KCNN1: variants seen among roughly 807,000 people sequenced by gnomAD.
The protein encoded by KCNN1 is potassium calcium-activated channel subfamily N member 1, also known as small conductance calcium-activated potassium channel protein 1.
A neutral mutation model predicts 44.7 loss-of-function variants in KCNN1; 20 were observed. The observed-to-expected ratio is 0.45, with a 90% CI of 0.32 to 0.65. The LOEUF (loss-of-function observed/expected upper bound fraction) is 0.65. Among genes scored for constraint, KCNN1 ranks in the 30% least tolerant of loss-of-function variants. The pLI is 0.05. For missense variants in KCNN1, 632 were observed against 785.3 expected, an observed-to-expected ratio of 0.80 and a Z score of 2.33; for synonymous variants, 324 against 341.7, an observed-to-expected ratio of 0.95 and a Z score of 0.57.
chr19:17,999,749 G>A lies in KCNN1; in HGVS notation c.*1343G>A, dbSNP rs770036474. ...GAGGAGGCCTGGCTCCTGGGGAGAC[G>A]ACGCTGTGCATAGCCGAGGAGCCCC... On this transcript the variant is annotated 3_prime_UTR_variant, in exon 10 of 10. Coordinates refer to ENST00000684775, the MANE Select transcript of KCNN1 (RefSeq NM_001386974.1). 8.2e-5 allele frequency: 26 copies of A among 317,552 alleles called. No individual in the cohort carries two copies. Among genetic ancestry groups the A allele is most frequent in the Non-Finnish European group, 1.3e-4 (20 of 156,246 alleles). 19.7% of individuals were successfully genotyped at this position (317,552 alleles called of 1,614,324 possible). A position where few individuals can be genotyped will look rare whatever the true frequency, so the allele number is the denominator to read the frequency against.
chr19:17,961,586 C>CTTTTTTTT (rs60134891), intron 2 of KCNN1, among the ~76,000 whole-genome samples: 2 of 130,050 alleles, frequency 1.5e-5, no homozygotes, highest in Non-Finnish European at 3.1e-5. Context: ...TTCTTTCTTT[C>CTTTTTTTT]TTTTTTTTTT....
chr19:17,954,851 G>A (rs896178545), intron 2 of KCNN1, among the ~76,000 whole-genome samples: 32 of 151,400 alleles, frequency 2.1e-4, no homozygotes, highest in African/African-American at 7.3e-4. Context: ...CAGTTTGGCC[G>A]ACATGGCGAA....
Position 17,983,092 on chromosome 19 carries a change from G to T in KCNN1, c.917+965G>T, listed in dbSNP as rs2032476718. On this transcript the variant is annotated intron_variant, in intron 4 of 9. Transcript: ENST00000684775. This position sits in a 1 kb window ranked among gnomAD's most constrained non-coding sequence, Gnocchi z 4.5. ...CTTTGGGACCTCCAAGCAGGAGGGAGTCTGTTGTAAATACCCCTAGGAGGT... is the reference window on the plus strand; with the variant it reads ...CTTTGGGACCTCCAAGCAGGAGGGATTCTGTTGTAAATACCCCTAGGAGGT... Among the ~76,000 whole-genome samples, 1 of 152,170 alleles carries T rather than the reference G, an allele frequency of 6.6e-6. No individual in the cohort carries two copies. The highest frequency in any genetic ancestry group is 2.4e-5 in the African/African-American group (1 of 41,450).
intron 1 of KCNN1, among the ~76,000 whole-genome samples, chr19:17,970,782 G>A (rs554406688): frequency 2.6e-4 from 39 of 152,284 alleles, no homozygotes; most frequent in African/African-American, 8.9e-4. Context: ...GAGACACATC[G>A]TGAGGGACAG....
upstream of KCNN1, among the ~76,000 whole-genome samples, chr19:17,966,023 GCCTTCCTTCCTTCCTTCCTTCCTTCCTT>G (rs762937340): frequency 1.3e-3 from 150 of 119,706 alleles, no homozygotes; most frequent in Middle Eastern, 8.3e-3. Flanking sequence ...CTGCCTGCCT[GCCTTCCTTCCTTCCTTCCTTCCTTCCTT>G]CCTTCCTTCC....
At chr19:17,961,199 A>C (rs6512240) in intron 2 of KCNN1, among the ~76,000 whole-genome samples, 31,023 of 149,242 alleles carry the variant, frequency 0.21, 3,590 homozygotes, top group East Asian at 0.37. Flanking sequence ...AAAAAAAAAA[A>C]AAAAAAACCC....
upstream of KCNN1, among the ~76,000 whole-genome samples, chr19:17,965,961 C>T (rs1232016808): frequency 1.3e-5 from 2 of 152,100 alleles, no homozygotes; most frequent in East Asian, 3.9e-4. Flanking sequence ...TGACTCACCG[C>T]CACCCTCAGC....
rs1165043429 is a variant in KCNN1, at chr19:17,974,273, TG to T, written c.391del (p.Val131CysfsTer51). 3 of 1,580,122 alleles carry T rather than the reference TG, an allele frequency of 1.9e-6. No individual in the cohort carries two copies. Among genetic ancestry groups the T allele is most frequent in the Non-Finnish European group, 8.6e-7 (1 of 1,160,586 alleles). ...CATGGTGACGGAGACCGAGCTGTCC[TG>T]GGGGGTGTACACCAAGGTAGGCGTG... ...VVMVTETELS[W>X]GVYTKESLYS... On this transcript the variant is annotated frameshift_variant, in exon 2 of 10. Transcript: ENST00000684775. The surrounding 1 kb of genome is among the most constrained non-coding windows in gnomAD (Gnocchi z 7.3).
chr19:17,987,594 C>T (rs2032643072), intron 5 of KCNN1, among the ~76,000 whole-genome samples: 1 of 152,080 alleles, frequency 6.6e-6, no homozygotes, highest in Admixed American at 6.6e-5. Flanking sequence ...GCTTCTGGGT[C>T]CTCTCAAAAC....
At chr19:17,980,259 T>TG (rs2032358932) in intron 3 of KCNN1, among the ~76,000 whole-genome samples, 1 of 134,650 alleles carries the variant, frequency 7.4e-6, no homozygotes, top group African/African-American at 2.8e-5. Flanking sequence ...TTTTTTTTTT[T>TG]GTATTTTTAG....
chr19:17,988,388 G>C (rs2032675551), intron 5 of KCNN1, 27 bp from the exon 6 acceptor site: 29 of 1,587,162 alleles, frequency 1.8e-5, no homozygotes, highest in Non-Finnish European at 2.5e-5. Context: ...ACAGGACGCT[G>C]ATGTGCCCCC....
At chr19:17,964,620 T>C (rs2031755291), upstream of KCNN1, among the ~76,000 whole-genome samples, 1 of 152,250 alleles carries the variant, frequency 6.6e-6, no homozygotes, top group African/African-American at 2.4e-5. This position sits in a 1 kb window ranked among gnomAD's most constrained non-coding sequence, Gnocchi z 4.3. Context: ...AGGCTCTGCC[T>C]GGAACGGAGA....
rs369365036 is a variant in KCNN1, at chr19:17,981,747, C to A, written c.537C>A (p.Ile179=). ...MVDNGADDWR[I]AMTCERVFLI... is the part of the protein sequence containing the mutation. ...ACAACGGGGCTGATGACTGGCGCATCGCCATGACCTGCGAGCGCGTGTTCC... is the reference window on the plus strand; with the variant it reads ...ACAACGGGGCTGATGACTGGCGCATAGCCATGACCTGCGAGCGCGTGTTCC... Residue 179 remains isoleucine, a synonymous_variant, in exon 4 of 10, where the codon ATC becomes ATA. Coordinates refer to ENST00000684775, the MANE Select transcript of KCNN1 (RefSeq NM_001386974.1). 6.2e-7 allele frequency: 1 copy of A among 1,600,910 alleles called. No individual in the cohort carries two copies.
intron 5 of KCNN1, among the ~76,000 whole-genome samples, chr19:17,988,077 C>T (rs959402964): frequency 2.0e-5 from 3 of 148,138 alleles, no homozygotes. Context: ...ATCGCTTGAA[C>T]CTGGGAAGTG....
intron 1 of KCNN1, among the ~76,000 whole-genome samples, chr19:17,973,577 C>T (rs1180457164): frequency 1.3e-5 from 2 of 152,134 alleles, no homozygotes; most frequent in African/African-American, 4.8e-5. Flanking sequence ...CCACCATGCC[C>T]GGCTCTCTGG....
rs1260374056 is a variant in KCNN1 at position 17,989,725 on chromosome 19, G to A, written c.1180G>A (p.Ala394Thr). 9 of 1,613,718 alleles carry A rather than the reference G, an allele frequency of 5.6e-6. No individual in the cohort carries two copies. Among genetic ancestry groups the A allele is most frequent in the Admixed American group, 3.3e-5 (2 of 59,950 alleles). Residue 394 changes from alanine to threonine, a missense_variant, in exon 7 of 10, where the codon GCC becomes ACC. Ala to Thr is a moderately conservative substitution (Grantham distance 58). Coordinates refer to ENST00000684775, the MANE Select transcript of KCNN1 (RefSeq NM_001386974.1). ...CTTTTTCTGGCCCCAGGTAAAAAAC[G>A]CCGCTGCTAACGTTCTCAGGGAGAC... ...DTQLTKRVKN[A>T]AANVLRETWL...
intron 3 of KCNN1, among the ~76,000 whole-genome samples, chr19:17,975,498 G>A (rs993345644): frequency 1.3e-5 from 2 of 151,158 alleles, no homozygotes; most frequent in Non-Finnish European, 2.9e-5. Context: ...TTGGCTCGCT[G>A]CAACCTCTGC....
At chr19:17,995,936 A>G (rs1397514886) in intron 9 of KCNN1, among the ~76,000 whole-genome samples, 1 of 152,100 alleles carries the variant, frequency 6.6e-6, no homozygotes, top group Non-Finnish European at 1.5e-5. Flanking sequence ...CTGATAGCCT[A>G]CCATTGACCA....
chr19:17,965,328 C>T (rs2031774362), upstream of KCNN1, among the ~76,000 whole-genome samples: 1 of 151,924 alleles, frequency 6.6e-6, no homozygotes, highest in South Asian at 2.1e-4. Context: ...TGCAAGCAGA[C>T]CAGGGTCAGC....
Sources: gnomAD v4.1 joint callset for allele counts (sites outside exome capture counted in the v4.1 genomes callset) on GRCh38, gnomAD v4.1.1 for gene constraint, Gnocchi (gnomAD v3.1) non-coding constraint, MANE v1.5 for transcripts, NCBI Gene and HGNC (gene_info 2026-07-23, HGNC 2026-07-21) for gene names.